Variants in NRXN3 observed in about 807,000 individuals in gnomAD.
NRXN3 encodes the protein neurexin III.
In NRXN3, 32 loss-of-function variants were observed where a neutral mutation model predicts 137.6. The ratio of observed to expected loss-of-function variants is 0.23; its 90% confidence interval spans 0.18 to 0.31. The LOEUF is 0.31. Ranked by LOEUF, NRXN3 falls within the 10% of genes least tolerant of loss-of-function variation. The pLI, the probability that NRXN3 is intolerant of heterozygous loss-of-function variation, is 1.00. For synonymous variants in NRXN3, 798 were observed against 784.5 expected, an observed-to-expected ratio of 1.02 and a Z score of -0.29; for missense variants, 1,574 against 2,062.5, an observed-to-expected ratio of 0.76 and a Z score of 4.59.
chr14:79,144,572 A>C, intron 15 of NRXN3, among the ~76,000 whole-genome samples: 1 of 152,138 alleles, frequency 6.6e-6, no homozygotes, highest in African/African-American at 2.4e-5. Context: ...CTATGAGGCA[A>C]TTTGTGGTAT....
At chr14:79,018,657 T>C (rs2099583867) in intron 15 of NRXN3, among the ~76,000 whole-genome samples, 2 of 152,188 alleles carry the variant, frequency 1.3e-5, no homozygotes, top group South Asian at 2.1e-4. Flanking sequence ...ATAAGCAAAA[T>C]CAATAATTAA....
chr14:79,588,813 T>C (rs879641167), intron 16 of NRXN3, among the ~76,000 whole-genome samples: 2 of 152,228 alleles, frequency 1.3e-5, no homozygotes, highest in Admixed American at 6.5e-5. Flanking sequence ...ACAGTAGGTG[T>C]AAATATTTGT....
chr14:78,857,926 T>G (rs2099061997), intron 10 of NRXN3, among the ~76,000 whole-genome samples: 1 of 152,172 alleles, frequency 6.6e-6, no homozygotes, highest in African/African-American at 2.4e-5. Flanking sequence ...AATTAAACTC[T>G]TAGGTTATAC....
At chr14:79,562,255 T>C (rs563577978) in intron 16 of NRXN3, among the ~76,000 whole-genome samples, 2 of 152,106 alleles carry the variant, frequency 1.3e-5, no homozygotes, top group Non-Finnish European at 2.9e-5. Context: ...AATAACCAGA[T>C]CCAATGCTAT....
chr14:78,331,514 G>A (rs571442331), intron 4 of NRXN3, among the ~76,000 whole-genome samples: 1 of 152,294 alleles, frequency 6.6e-6, no homozygotes, highest in Non-Finnish European at 1.5e-5. Context: ...GCATGAGGTA[G>A]CTCCAATCTC....
intron 15 of NRXN3, among the ~76,000 whole-genome samples, chr14:79,186,722 T>C (rs2063582269): frequency 6.6e-6 from 1 of 152,168 alleles, no homozygotes; most frequent in Non-Finnish European, 1.5e-5. Context: ...CACTCACTTC[T>C]GCTACACTTC....
intron 15 of NRXN3, among the ~76,000 whole-genome samples, chr14:79,317,726 C>T (rs2089145856): frequency 6.6e-6 from 1 of 152,148 alleles, no homozygotes; most frequent in Admixed American, 6.5e-5. Context: ...TGGAGGGCAG[C>T]ATAGAATGAA....
chr14:78,893,642 G>A (rs887714732), intron 10 of NRXN3, among the ~76,000 whole-genome samples: 3 of 151,894 alleles, frequency 2.0e-5, no homozygotes, highest in Non-Finnish European at 4.4e-5. Flanking sequence ...AAACCATTAA[G>A]CCTTCTTGAG....
intron 19 of NRXN3, among the ~76,000 whole-genome samples, chr14:79,777,899 A>G (rs918765399): frequency 1.3e-5 from 2 of 152,080 alleles, no homozygotes; most frequent in African/African-American, 4.8e-5. Flanking sequence ...TTGTGGTTTA[A>G]CTATTTACTA....
At chr14:79,819,718 C>CAA (rs2099265316) in intron 20 of NRXN3, among the ~76,000 whole-genome samples, 1 of 151,828 alleles carries the variant, frequency 6.6e-6, no homozygotes, top group African/African-American at 2.4e-5. Flanking sequence ...CTCCTGACCT[C>CAA]GTGATTTGCC....
intron 4 of NRXN3, among the ~76,000 whole-genome samples, chr14:78,589,719 G>A (rs2097099047): frequency 6.6e-6 from 1 of 152,194 alleles, no homozygotes; most frequent in Non-Finnish European, 1.5e-5. Context: ...GCCAGGACAT[G>A]CCTGGGGCAG....
chr14:79,785,003 T>A (rs549624844), intron 19 of NRXN3, among the ~76,000 whole-genome samples: 1 of 152,276 alleles, frequency 6.6e-6, no homozygotes, highest in African/African-American at 2.4e-5. Flanking sequence ...TACCCACAGA[T>A]AAGAATTCTT....
intron 4 of NRXN3, among the ~76,000 whole-genome samples, chr14:78,587,008 A>C (rs964650708): frequency 6.6e-6 from 1 of 152,202 alleles, no homozygotes; most frequent in Non-Finnish European, 1.5e-5. Context: ...TCCCAGAAAC[A>C]GTCTTGAATG....
intron 19 of NRXN3, among the ~76,000 whole-genome samples, chr14:79,733,336 T>G (rs572532823): frequency 2.6e-4 from 39 of 152,332 alleles, no homozygotes; most frequent in African/African-American, 9.4e-4. Context: ...TATGCATACC[T>G]GGCTTCCCAA....
chr14:79,046,493 A>G (rs1020058100), intron 15 of NRXN3, among the ~76,000 whole-genome samples: 3 of 152,162 alleles, frequency 2.0e-5, no homozygotes, highest in African/African-American at 7.2e-5. Flanking sequence ...GAAATGTGCT[A>G]CAGGCCTGAG....
intron 15 of NRXN3, among the ~76,000 whole-genome samples, chr14:79,057,435 C>G (rs917547533): frequency 1.3e-5 from 2 of 152,120 alleles, no homozygotes; most frequent in Non-Finnish European, 2.9e-5. Flanking sequence ...TATAAATGTG[C>G]CACTTCATAT....
At chr14:78,642,484 C>T (rs2097645811) in intron 4 of NRXN3, among the ~76,000 whole-genome samples, 2 of 152,310 alleles carry the variant, frequency 1.3e-5, no homozygotes, top group African/African-American at 4.8e-5. Context: ...TTAAGCTTCT[C>T]TTTATAGGCA....
chr14:79,748,237 CA>C (rs547959409), intron 19 of NRXN3, among the ~76,000 whole-genome samples: 2 of 149,836 alleles, frequency 1.3e-5, no homozygotes, highest in Admixed American at 6.7e-5. Context: ...AGCTTTATGC[CA>C]AAAAAAATTT....
intron 15 of NRXN3, among the ~76,000 whole-genome samples, chr14:79,393,037 C>A (rs1041018089): frequency 6.8e-6 from 1 of 147,044 alleles, no homozygotes; most frequent in Non-Finnish European, 1.5e-5. Flanking sequence ...GAAATAGGAA[C>A]GCTTTTATAC....
Sources: allele counts gnomAD v4.1 joint callset (sites outside exome capture counted in the v4.1 genomes callset), GRCh38; gene constraint gnomAD v4.1.1; transcripts MANE v1.5; gene names NCBI Gene and HGNC (gene_info 2026-07-23, HGNC 2026-07-21).